Variants in SLAIN2 observed in about 807,000 individuals in gnomAD.
SLAIN2 encodes the protein SLAIN motif-containing protein 2.
Under a neutral mutation model 56.6 loss-of-function variants are expected in SLAIN2, and 31 were observed. That is an observed-to-expected ratio of 0.55 (90% confidence interval 0.41 to 0.74). SLAIN2 has a LOEUF of 0.74. SLAIN2 is among the 30% of genes least tolerant of loss of function. The pLI is 0.00. For synonymous variants in SLAIN2, 317 were observed against 284.9 expected (o/e 1.11, Z -1.13); for missense variants, 777 against 754.2 (o/e 1.03, Z -0.35).
rs143849551 is a variant in SLAIN2, at chr4:48,376,456, GA to G, written c.539-1422del. Among the ~76,000 whole-genome samples the G allele has an allele frequency of 3.3e-3, 424 of 127,544 alleles. 2 individuals are homozygous for G. Among genetic ancestry groups the G allele is most frequent in the Non-Finnish European group, 5.1e-3 (308 of 59,992 alleles). 83.7% of individuals were successfully genotyped at this position (127,544 alleles called of 152,430 possible). ...GGTGACAGCAAAACTTTGTCTCAGA[GA>G]AAAAAAAAAAAAAAAAAGATTGAAG... On this transcript the variant is annotated intron_variant, in intron 2 of 7. Coordinates refer to ENST00000264313, the MANE Select transcript of SLAIN2 (RefSeq NM_020846.2).
intron 6 of SLAIN2, among the ~76,000 whole-genome samples, chr4:48,392,794 C>T (rs114615025): frequency 1.8e-3 from 279 of 151,394 alleles, no homozygotes; most frequent in African/African-American, 6.6e-3. Context: ...TAGCAGCTAT[C>T]ACTATCTGGC....
At chr4:48,420,068 T>C in intron 6 of SLAIN2, 57 bp from the exon 7 acceptor site, 1 of 1,538,762 alleles carries the variant, frequency 6.5e-7, no homozygotes, top group Non-Finnish European at 8.9e-7. Flanking sequence ...TTTAAAGCAA[T>C]GGTTTCATAT....
At chr4:48,412,375 C>A (rs1189854342) in intron 6 of SLAIN2, among the ~76,000 whole-genome samples, 1 of 70,408 alleles carries the variant, frequency 1.4e-5, no homozygotes. Context: ...TACACACACA[C>A]ACACACACAC....
At position 48,425,481 on chromosome 4, in the gene SLAIN2, G is replaced by C. The variant is rs569076567; in HGVS notation, c.*3404G>C. 1.2e-4 allele frequency: 18 copies of C among 152,144 alleles called. No individual in the cohort carries two copies. Among genetic ancestry groups the C allele is most frequent in the Admixed American group, 2.6e-4 (4 of 15,280 alleles). 9.4% of individuals were successfully genotyped at this position (152,144 alleles called of 1,614,324 possible). A position where few individuals can be genotyped will look rare whatever the true frequency, so the allele number is the denominator to read the frequency against. ...TGTATGGATGGAAAAATCAAGAATT[G>C]TACACTGTTTAATGAGTTCTCCATA... On this transcript the variant is annotated 3_prime_UTR_variant, in exon 8 of 8. Transcript: ENST00000264313.
chr4:48,354,002 G>C (rs1342965136), intron 1 of SLAIN2, among the ~76,000 whole-genome samples: 2 of 152,122 alleles, frequency 1.3e-5, no homozygotes, highest in African/African-American at 4.8e-5. Flanking sequence ...GAGGGTTTTT[G>C]GGGGGATGTC....
At chr4:48,382,971 C>A (rs758193331) in intron 5 of SLAIN2, 44 bp downstream of exon 5, 4 of 1,511,748 alleles carry the variant, frequency 2.6e-6, no homozygotes, top group South Asian at 1.3e-5. Flanking sequence ...TTTCTGCTAG[C>A]CTGTGTAACA....
rs189171239 is a variant in SLAIN2 at position 48,383,005 on chromosome 4, A to T, written c.1222+78A>T. 3.3e-3 allele frequency: 4,745 copies of T among 1,423,886 alleles called. 25 individuals carry two copies. The highest frequency in any genetic ancestry group is 3.2e-3 in the Non-Finnish European group (3,417 of 1,080,590). 88.2% of individuals were successfully genotyped at this position (1,423,886 alleles called of 1,614,324 possible). A position where few individuals can be genotyped will look rare whatever the true frequency, so the allele number is the denominator to read the frequency against. ...CATAGCAAGACCCCGTCTCTAGGAA[A>T]AAAATTTTCAAAATTAGCTGGGCAT... On this transcript the variant is annotated intron_variant, in intron 5 of 7. Coordinates refer to ENST00000264313, the MANE Select transcript of SLAIN2 (RefSeq NM_020846.2).
intron 6 of SLAIN2, among the ~76,000 whole-genome samples, chr4:48,386,145 C>A (rs1191239939): frequency 1.3e-5 from 2 of 150,292 alleles, no homozygotes; most frequent in Admixed American, 6.6e-5. Flanking sequence ...AAAATGACTT[C>A]TGTGATATAT....
At chr4:48,411,110 A>ATG (rs1318581846) in intron 6 of SLAIN2, among the ~76,000 whole-genome samples, 1 of 151,604 alleles carries the variant, frequency 6.6e-6, no homozygotes, top group African/African-American at 2.4e-5. Context: ...GTGTGTGTGT[A>ATG]TGTGTGTGTG....
At chr4:48,410,985 C>T (rs1340019873) in intron 6 of SLAIN2, among the ~76,000 whole-genome samples, 1 of 152,144 alleles carries the variant, frequency 6.6e-6, no homozygotes, top group Non-Finnish European at 1.5e-5. Context: ...TCTTCCCTTC[C>T]CTCTTCCATT....
At chr4:48,343,482 A>G (rs1489297923) in intron 1 of SLAIN2, among the ~76,000 whole-genome samples, 4 of 152,208 alleles carry the variant, frequency 2.6e-5, no homozygotes, top group African/African-American at 9.7e-5. Context: ...ATCCCTGTTC[A>G]TAAGGCAGTT....
At chr4:48,412,092 A>T (rs1478213122) in intron 6 of SLAIN2, among the ~76,000 whole-genome samples, 1 of 151,918 alleles carries the variant, frequency 6.6e-6, no homozygotes. Flanking sequence ...TGACATTGAC[A>T]TTTTTTCCGC....
Position 48,382,734 on chromosome 4 carries a change from A to G in SLAIN2, c.1029A>G (p.Ser343=). The change falls in exon 5 of 8, where the codon TCA becomes TCG. Residue 343 remains serine (S), a synonymous_variant. Transcript: ENST00000264313. ...HAVYPAVNRF[S]PSPRNSPRPS... ...TATACCCTGCTGTTAACAGGTTTTC[A>G]CCATCACCACGCAATTCACCTCGAC... 2 of 1,613,734 alleles carry G rather than the reference A, an allele frequency of 1.2e-6. No homozygotes were observed. The highest frequency in any genetic ancestry group is 2.2e-5 in the East Asian group (1 of 44,842).
intron 4 of SLAIN2, among the ~76,000 whole-genome samples, chr4:48,381,483 C>T (rs1193775466): frequency 6.6e-6 from 1 of 152,154 alleles, no homozygotes; most frequent in Non-Finnish European, 1.5e-5. Context: ...GAAATGCAAG[C>T]TCCTATAGTG....
chr4:48,346,317 A>G (rs1483987700), intron 1 of SLAIN2, among the ~76,000 whole-genome samples: 1 of 152,058 alleles, frequency 6.6e-6, no homozygotes, highest in Non-Finnish European at 1.5e-5. Context: ...GATCTTAGTG[A>G]TAAAATTTCT....
chr4:48,412,736 A>G (rs1488166280), intron 6 of SLAIN2, among the ~76,000 whole-genome samples: 1 of 152,160 alleles, frequency 6.6e-6, no homozygotes, highest in Non-Finnish European at 1.5e-5. Flanking sequence ...ATAACTAACA[A>G]TTTTTGTATG....
intron 2 of SLAIN2, among the ~76,000 whole-genome samples, chr4:48,371,285 C>CT (rs751955000): frequency 6.6e-6 from 1 of 151,920 alleles, no homozygotes; most frequent in Non-Finnish European, 1.5e-5. Context: ...GTTAGCCAGG[C>CT]TGGTCTTGAA....
chr4:48,362,423 CTT>C (rs557166143), intron 1 of SLAIN2, among the ~76,000 whole-genome samples: 9 of 140,890 alleles, frequency 6.4e-5, no homozygotes, highest in Non-Finnish European at 6.2e-5. Flanking sequence ...TTCTCTCTCT[CTT>C]TTTTTTTTTT....
chr4:48,413,188 A>G (rs1382197090), intron 6 of SLAIN2, among the ~76,000 whole-genome samples: 1 of 151,662 alleles, frequency 6.6e-6, no homozygotes, highest in African/African-American at 2.4e-5. Flanking sequence ...AGTTTGTGCC[A>G]CTGTTCTCCA....
Sources: allele counts gnomAD v4.1 joint callset (sites outside exome capture counted in the v4.1 genomes callset), GRCh38; gene constraint gnomAD v4.1.1; transcripts MANE v1.5; gene names NCBI Gene and HGNC (gene_info 2026-07-23, HGNC 2026-07-21).